The following SLC9A3 variants were observed in gnomAD, a reference collection of about 807,000 sequenced individuals.
SLC9A3 encodes the protein solute carrier family 9 member A3, also known as sodium/hydrogen exchanger 3.
In SLC9A3, 37 loss-of-function variants were observed where a neutral mutation model predicts 86.8. The observed-to-expected ratio is 0.43, with a 90% CI of 0.33 to 0.56. The LOEUF (loss-of-function observed/expected upper bound fraction) is 0.56. Among genes scored for constraint, SLC9A3 ranks in the 20% least tolerant of loss-of-function variants. The probability of loss-of-function intolerance (pLI) is 0.06; values close to 1 mark genes in which losing one functional copy is unlikely to be tolerated. For synonymous variants in SLC9A3, 581 were observed against 528.3 expected (o/e 1.10, Z -1.37); for missense variants, 1,011 against 1,171.9 (o/e 0.86, Z 2.00).
rs1738340699 is a variant in SLC9A3 at position 471,197 on chromosome 5, A to G, written c.*2182T>C. On this transcript the variant is annotated 3_prime_UTR_variant, in exon 17 of 17. Transcript: ENST00000264938. ...TGTTGGTGGGAGTGTTGTGTTCACCATGTGGAGATCAGGCGGCGATTACCG... is the reference window on the plus strand; with the variant it reads ...TGTTGGTGGGAGTGTTGTGTTCACCGTGTGGAGATCAGGCGGCGATTACCG... 1 of 161,142 alleles carries G rather than the reference A, an allele frequency of 6.2e-6. No homozygotes were observed. Among genetic ancestry groups the G allele is most frequent in the African/African-American group, 2.4e-5 (1 of 41,542 alleles). 10.0% of individuals were successfully genotyped at this position (161,142 alleles called of 1,614,324 possible). A position where few individuals can be genotyped will look rare whatever the true frequency, so the allele number is the denominator to read the frequency against.
chr5:514,949 G>T (rs1733680084), intron 1 of SLC9A3, among the ~76,000 whole-genome samples: 1 of 152,058 alleles, frequency 6.6e-6, no homozygotes, highest in Admixed American at 6.5e-5. Flanking sequence ...TCCCTCCCCA[G>T]GGCTGGCTCC....
intron 1 of SLC9A3, among the ~76,000 whole-genome samples, chr5:492,425 G>A (rs1434394187): frequency 1.4e-5 from 2 of 138,748 alleles, no homozygotes; most frequent in African/African-American, 5.3e-5. Context: ...ACCTGCGGGG[G>A]AGGGGAGGGA....
At chr5:479,765 C>CG in intron 10 of SLC9A3, 71 bp downstream of exon 10, 1 of 1,417,374 alleles carries the variant, frequency 7.1e-7, no homozygotes, top group South Asian at 1.2e-5. Flanking sequence ...CTCCTCACTG[C>CG]CCCATGGCAC....
chr5:502,858 G>A (rs565439146), intron 1 of SLC9A3, among the ~76,000 whole-genome samples: 25 of 150,124 alleles, frequency 1.7e-4, no homozygotes, highest in Admixed American at 1.1e-3. Context: ...ACAGATGGGC[G>A]CTGTGTTCCA....
intron 2 of SLC9A3, 38 bp from the exon 3 acceptor site, chr5:488,514 C>A: frequency 6.7e-7 from 1 of 1,495,310 alleles, no homozygotes; most frequent in South Asian, 1.3e-5. Flanking sequence ...GCTGCAGGGC[C>A]TGCCACCCGA....
At chr5:480,661 CAAG>C (rs1739107520) in intron 9 of SLC9A3, 1 of 152,302 alleles carries the variant, frequency 6.6e-6, no homozygotes, top group African/African-American at 2.4e-5. Context: ...CCTGGGAGGC[CAAG>C]GAGTCGGGGA....
chr5:486,049 G>GAAT (rs1169825301), intron 3 of SLC9A3, among the ~76,000 whole-genome samples: 11 of 152,202 alleles, frequency 7.2e-5, no homozygotes, highest in African/African-American at 2.7e-4. Context: ...ATTCCCCCGA[G>GAAT]AATATCTTGC....
intron 1 of SLC9A3, among the ~76,000 whole-genome samples, chr5:501,007 C>T (rs540672254): frequency 1.4e-4 from 20 of 147,212 alleles, no homozygotes; most frequent in African/African-American, 4.5e-4. Context: ...CCTGGGGACA[C>T]GCAGGCCCTC....
In SLC9A3 at chr5:479,909, T is replaced by C. The variant is rs144147429; in HGVS notation, c.1574A>G (p.Gln525Arg). The C allele has an allele frequency of 6.2e-7, 1 of 1,613,984 alleles. No homozygotes were observed. Among genetic ancestry groups the C allele is most frequent in the African/African-American group, 1.3e-5 (1 of 75,056 alleles). ...ATTCAGGATCCGGTCTCGAGACTTCTGGGCCGACCGTCTCATGAGGACCCT... is the reference window on the plus strand; with the variant it reads ...ATTCAGGATCCGGTCTCGAGACTTCCGGGCCGACCGTCTCATGAGGACCCT... ...LSRVLMRRSA[Q>R]KSRDRILNVF... The change falls in exon 10 of 17, where the codon CAG becomes CGG. Residue 525 changes from glutamine to arginine, a missense_variant. Gln to Arg is a conservative substitution (Grantham distance 43). Coordinates refer to ENST00000264938, the MANE Select transcript of SLC9A3 (RefSeq NM_004174.4).
At chr5:507,368 C>CA (rs1553999351) in intron 1 of SLC9A3, among the ~76,000 whole-genome samples, 96 of 146,934 alleles carry the variant, frequency 6.5e-4, no homozygotes, top group African/African-American at 2.1e-3. Context: ...GGGGTTTCAC[C>CA]GTTTTTTTTT....
Position 472,091 on chromosome 5 carries a change from TG to T in SLC9A3, c.*1287del, listed in dbSNP as rs1738389922. On this transcript the variant is annotated 3_prime_UTR_variant, in exon 17 of 17. Transcript: ENST00000264938. ...CAGGTTTCAGGTGGGTTGGACCCTG[TG>T]GGACTTGCCGTCTGAGGGATGGATG... 2.3e-6 allele frequency: 1 copy of T among 431,462 alleles called. No homozygotes were observed. The highest frequency in any genetic ancestry group is 4.7e-6 in the Non-Finnish European group (1 of 213,896). The allele number at this position is 431,462 out of a possible 1,614,324, so 26.7% of individuals were successfully genotyped here.
At chr5:507,043 C>T (rs1246091950) in intron 1 of SLC9A3, among the ~76,000 whole-genome samples, 1 of 149,100 alleles carries the variant, frequency 6.7e-6, no homozygotes, top group Non-Finnish European at 1.5e-5. Context: ...GGCCACTGCA[C>T]TCCAGCCTGG....
chr5:522,444 G>C (rs1733911125), intron 1 of SLC9A3, among the ~76,000 whole-genome samples: 1 of 152,232 alleles, frequency 6.6e-6, no homozygotes, highest in Admixed American at 6.5e-5. Context: ...TAAACTGGGA[G>C]AGGCCCCAGC....
At chr5:484,782 C>T (rs564515661) in intron 4 of SLC9A3, 85 bp from the exon 5 acceptor site, 18 of 1,312,484 alleles carry the variant, frequency 1.4e-5, no homozygotes, top group Middle Eastern at 2.6e-4. Flanking sequence ...GCGGAAGTGC[C>T]GGGAGCCCGG....
intron 1 of SLC9A3, among the ~76,000 whole-genome samples, chr5:493,481 C>A (rs545839138): frequency 6.6e-6 from 1 of 152,244 alleles, no homozygotes; most frequent in East Asian, 1.9e-4. Flanking sequence ...CTTGTAATTA[C>A]GGAGCTCTTG....
rs539945936 is a variant in SLC9A3, at chr5:517,775, C to A, written c.211+6337G>T. On this transcript the variant is annotated intron_variant, in intron 1 of 16. Coordinates refer to ENST00000264938, the MANE Select transcript of SLC9A3 (RefSeq NM_004174.4). The stretch of plus-strand genomic sequence containing the variant: ...TCCATCCATCCATCCACCCATCCAT[C>A]CACTCGTCCATTCACCGAAACCATC... 2.0e-5 allele frequency among the ~76,000 whole-genome samples: 3 copies of A among 150,318 alleles called. No homozygotes were observed. In the East Asian group the frequency reaches 5.9e-4, roughly 30 times the overall value.
intron 1 of SLC9A3, among the ~76,000 whole-genome samples, chr5:522,535 G>A (rs1437140456): frequency 2.0e-5 from 3 of 152,076 alleles, no homozygotes; most frequent in Non-Finnish European, 4.4e-5. Context: ...CGAGGCGGGT[G>A]GATCACCTGA....
rs1168580556 is a variant in SLC9A3, at chr5:475,625, C to T, written c.2187G>A (p.Glu729=). Residue 729 remains glutamate, a synonymous_variant, in exon 15 of 17, where the codon GAG becomes GAA. Transcript: ENST00000264938. ...DTEEPPNYDE[E]MSGGIEFLAS... ...CCAGGAACTCGATCCCCCCACTCAT[C>T]TCCTCATCATAGTTGGGGGGCTCCT... 4.5e-6 allele frequency: 7 copies of T among 1,552,426 alleles called. No individual in the cohort carries two copies. Among genetic ancestry groups the T allele is most frequent in the Non-Finnish European group, 6.1e-6 (7 of 1,147,130 alleles).
chr5:473,219 G>T lies in SLC9A3; in HGVS notation c.*160C>A. ...CTGCGGGCGCAGGCGCGGCACTCTC[G>T]GAGTTCTGCGCAGGCGCTGGCGTGG... On this transcript the variant is annotated 3_prime_UTR_variant, in exon 17 of 17. Transcript: ENST00000264938. 2.6e-6 allele frequency: 2 copies of T among 771,836 alleles called. No homozygotes were observed. The highest frequency in any genetic ancestry group is 3.4e-6 in the Non-Finnish European group (2 of 580,346). 47.8% of individuals were successfully genotyped at this position (771,836 alleles called of 1,614,324 possible).
Sources: gnomAD v4.1 joint callset for allele counts (sites outside exome capture counted in the v4.1 genomes callset) on GRCh38, gnomAD v4.1.1 for gene constraint, MANE v1.5 for transcripts, NCBI Gene and HGNC (gene_info 2026-07-23, HGNC 2026-07-21) for gene names.